ANK2: variants seen among roughly 807,000 people sequenced by gnomAD.
ANK2 encodes the protein ankyrin 2.
ANK2 carries 83 observed loss-of-function variants against 360.5 expected under a neutral mutation model. The ratio of observed to expected loss-of-function variants is 0.23; its 90% confidence interval spans 0.19 to 0.28. ANK2 has a LOEUF of 0.28. Ranked by LOEUF, ANK2 falls within the 10% of genes least tolerant of loss-of-function variation. The pLI, the probability that ANK2 is intolerant of heterozygous loss-of-function variation, is 1.00. For synonymous variants in ANK2, 1,740 were observed against 1,759.5 expected (o/e 0.99, Z 0.28); for missense variants, 4,201 against 4,795.7 (o/e 0.88, Z 3.66).
At chr4:113,240,076 A>G (rs1203753690) in intron 7 of ANK2, among the ~76,000 whole-genome samples, 2 of 152,170 alleles carry the variant, frequency 1.3e-5, no homozygotes, top group Non-Finnish European at 2.9e-5. Context: ...AAACAAAAAC[A>G]CTGGTTTCTT....
chr4:113,231,958 A>C (rs1483126709), intron 4 of ANK2, among the ~76,000 whole-genome samples: 1 of 152,230 alleles, frequency 6.6e-6, no homozygotes, highest in Non-Finnish European at 1.5e-5. Flanking sequence ...TGGTACTGAA[A>C]TGAAGACTTT....
At chr4:113,162,085 G>A (rs1047254255) in intron 1 of ANK2, among the ~76,000 whole-genome samples, 1 of 152,106 alleles carries the variant, frequency 6.6e-6, no homozygotes, top group African/African-American at 2.4e-5. Flanking sequence ...AGGGTATTCT[G>A]TTCCCCTAAA....
Position 112,865,759 on chromosome 4 carries a change from A to G in ANK2, c.-39-38696A>G, listed in dbSNP as rs1309869624. Among the ~76,000 whole-genome samples the G allele has an allele frequency of 2.0e-5, 3 of 152,232 alleles. No individual in the cohort carries two copies. The East Asian group carries it at 5.8e-4, about 29-fold the overall frequency. ...ATACCTGAGATTTATCTCCAGCCAT[A>G]TATACTTGAAAATTAAAGATGGATA... On this transcript the variant is annotated intron_variant, in intron 1 of 30. Coordinates refer to the ANK2 transcript ENST00000503271.
At chr4:113,220,373 A>C (rs2153485118) in intron 4 of ANK2, among the ~76,000 whole-genome samples, 1 of 152,318 alleles carries the variant, frequency 6.6e-6, no homozygotes, top group African/African-American at 2.4e-5. Flanking sequence ...AAACATAGGT[A>C]CTCTAATGAA....
At chr4:112,714,217 C>G in the ANK2 span, among the ~76,000 whole-genome samples, 3 of 152,128 alleles carry the variant, frequency 2.0e-5, no homozygotes, top group Non-Finnish European at 2.9e-5. Flanking sequence ...GAGTCTTGCT[C>G]TGTTGCCCAG....
intron 1 of ANK2, among the ~76,000 whole-genome samples, chr4:113,062,963 A>T (rs2074156884): frequency 6.6e-6 from 1 of 152,112 alleles, no homozygotes; most frequent in Non-Finnish European, 1.5e-5. Flanking sequence ...CCTTAAAATG[A>T]CCTTGAGGAA....
the ANK2 span, among the ~76,000 whole-genome samples, chr4:112,740,847 G>A: frequency 6.6e-6 from 1 of 151,994 alleles, no homozygotes; most frequent in Non-Finnish European, 1.5e-5. Flanking sequence ...TAAATGAGCC[G>A]GGCGTGGTCG....
At chr4:113,255,671 A>T in intron 10 of ANK2, 64 bp from the exon 11 acceptor site, 1 of 1,556,930 alleles carries the variant, frequency 6.4e-7, no homozygotes, top group Non-Finnish European at 8.8e-7. Context: ...ACTTTGCTGT[A>T]CTTTGGAACC....
chr4:113,379,385 CTAGT>C (rs2097088200), intron 45 of ANK2, among the ~76,000 whole-genome samples: 1 of 152,162 alleles, frequency 6.6e-6, no homozygotes, highest in African/African-American at 2.4e-5. Context: ...GTTATGGAAG[CTAGT>C]TAGTTACAGA....
At chr4:112,778,782 C>T in the ANK2 span, among the ~76,000 whole-genome samples, 5 of 152,162 alleles carry the variant, frequency 3.3e-5, no homozygotes, top group Admixed American at 2.6e-4. Flanking sequence ...TGTTAGATAA[C>T]CACCCAGTAC....
intron 14 of ANK2, 68 bp from the exon 15 acceptor site, chr4:113,274,384 G>T (rs965630106): frequency 4.0e-6 from 6 of 1,504,220 alleles, no homozygotes; most frequent in Non-Finnish European, 5.6e-6. Context: ...TGAAATATGT[G>T]AGTGAAACAT....
rs113107484 is a variant in ANK2 at position 112,921,685 on chromosome 4, A to ATT, written c.21+17183_21+17184dup. ...AAGGGAGAATTTAAAATACCATTCT[A>ATT]TTTTTTTTTTTTTGCATTATCCACT... On this transcript the variant is annotated intron_variant, in intron 2 of 30. Transcript: ENST00000503271. 1.4e-3 allele frequency among the ~76,000 whole-genome samples: 188 copies of ATT among 138,892 alleles called. 1 individual carries two copies. Among genetic ancestry groups the ATT allele is most frequent in the African/African-American group, 4.6e-3 (176 of 38,468 alleles). The allele number at this position is 138,892 out of a possible 152,430, so 91.1% of individuals were successfully genotyped here. A position where few individuals can be genotyped will look rare whatever the true frequency, so the allele number is the denominator to read the frequency against.
intron 1 of ANK2, among the ~76,000 whole-genome samples, chr4:112,892,322 T>C (rs1046739096): frequency 2.6e-5 from 4 of 152,238 alleles, no homozygotes; most frequent in Admixed American, 2.6e-4. Flanking sequence ...AGACTAACTT[T>C]ATTAAGCTTG....
chr4:112,944,726 A>C (rs1005124034), intron 2 of ANK2, among the ~76,000 whole-genome samples: 2 of 152,216 alleles, frequency 1.3e-5, no homozygotes, highest in East Asian at 3.8e-4. Flanking sequence ...CTTGTTTGCA[A>C]TGAAGAGAGC....
rs1231600524 is a variant in ANK2, at chr4:113,357,539, C to T, written c.8921C>T (p.Ala2974Val). 1 of 1,614,138 alleles carries T rather than the reference C, an allele frequency of 6.2e-7. No individual in the cohort carries two copies. Among genetic ancestry groups the T allele is most frequent in the Non-Finnish European group, 8.5e-7 (1 of 1,179,974 alleles). Residue 2974 changes from alanine (A) to valine (V), a missense_variant, in exon 38 of 46, where the codon GCA (alanine) becomes GTA (valine). Coordinates refer to ENST00000357077, the MANE Select transcript of ANK2 (RefSeq NM_001148.6). ...ITSPVEDVVV[A>V]SSSSGTVLSK... is the part of the protein sequence containing the mutation. Reference sequence around the variant, plus strand: ...TCCCCTGTTGAAGACGTTGTAGTGGCAAGCTCCTCTAGTGGAACTGTTTTA... The same window carrying T: ...TCCCCTGTTGAAGACGTTGTAGTGGTAAGCTCCTCTAGTGGAACTGTTTTA...
At chr4:112,928,778 CTTCG>C in intron 2 of ANK2, among the ~76,000 whole-genome samples, 1 of 152,060 alleles carries the variant, frequency 6.6e-6, no homozygotes, top group Non-Finnish European at 1.5e-5. Context: ...CTACTTGACA[CTTCG>C]ATCTTGAACT....
chr4:112,788,324 T>G, the ANK2 span: 1 of 1,559,750 alleles, frequency 6.4e-7, no homozygotes, highest in Non-Finnish European at 8.7e-7. Flanking sequence ...CAGTCTTGCC[T>G]TCCTCTTGAT....
At chr4:112,884,194 C>A (rs189333588) in intron 1 of ANK2, among the ~76,000 whole-genome samples, 9 of 152,194 alleles carry the variant, frequency 5.9e-5, no homozygotes, top group East Asian at 3.9e-4. Flanking sequence ...GTTTTGTTAT[C>A]CCCAAAATGA....
chr4:113,069,096 A>G (rs889906600), intron 1 of ANK2, among the ~76,000 whole-genome samples: 3 of 152,000 alleles, frequency 2.0e-5, no homozygotes. Context: ...AAGAAAAGAG[A>G]GGAGAGGAGA....
Sources: gnomAD v4.1 joint callset for allele counts (sites outside exome capture counted in the v4.1 genomes callset) on GRCh38, gnomAD v4.1.1 for gene constraint, MANE v1.5 for transcripts, NCBI Gene and HGNC (gene_info 2026-07-23, HGNC 2026-07-21) for gene names.